The following ALCAM variants were observed in gnomAD, a reference collection of about 807,000 sequenced individuals.
The protein encoded by ALCAM is CD166 antigen.
Under a neutral mutation model 70.9 loss-of-function variants are expected in ALCAM, and 30 were observed. The ratio of observed to expected loss-of-function variants is 0.42; its 90% CI spans 0.32 to 0.57. ALCAM has a LOEUF of 0.57. ALCAM is among the 20% of genes least tolerant of loss of function. The pLI is 0.11. For synonymous variants in ALCAM, 249 were observed against 242.5 expected (o/e 1.03, Z -0.25); for missense variants, 591 against 695.1 (o/e 0.85, Z 1.68).
At chr3:105,376,121 CAG>C (rs150234191) in intron 1 of ALCAM, among the ~76,000 whole-genome samples, 12 of 150,404 alleles carry the variant, frequency 8.0e-5, no homozygotes, top group African/African-American at 9.7e-5. Flanking sequence ...AAGACAGAGA[CAG>C]AGAGAGAGAG....
chr3:105,435,777 GT>G (rs371742846), intron 1 of ALCAM, among the ~76,000 whole-genome samples: 242 of 151,432 alleles, frequency 1.6e-3, no homozygotes, highest in African/African-American at 5.6e-3. Flanking sequence ...AGAAAAAGAG[GT>G]TTTTTTTTGT....
At chr3:105,477,383 T>C (rs1358291244) in intron 1 of ALCAM, among the ~76,000 whole-genome samples, 11 of 152,134 alleles carry the variant, frequency 7.2e-5, no homozygotes, top group Non-Finnish European at 1.5e-5. Context: ...TAAAATATTT[T>C]TTGTTGAATA....
chr3:105,534,945 T>G, intron 6 of ALCAM, 100 bp downstream of exon 6: 3 of 1,202,318 alleles, frequency 2.5e-6, no homozygotes, highest in Non-Finnish European at 3.4e-6. Context: ...CTTTGAATTC[T>G]GCTTCCAGTC....
intron 2 of ALCAM, 25 bp downstream of exon 2, chr3:105,520,192 G>T (rs748441656): frequency 6.8e-7 from 1 of 1,469,840 alleles, no homozygotes; most frequent in South Asian, 1.2e-5. Flanking sequence ...CCTGGGACTT[G>T]GTTAATTGCC....
chr3:105,521,047 A>G (rs1576218046), intron 2 of ALCAM, among the ~76,000 whole-genome samples: 1 of 151,688 alleles, frequency 6.6e-6, no homozygotes, highest in African/African-American at 2.4e-5. Flanking sequence ...CACGCCTGTA[A>G]TCCCAGCACT....
chr3:105,518,313 C>T (rs6776188), intron 1 of ALCAM, among the ~76,000 whole-genome samples: 72,593 of 151,876 alleles, frequency 0.48, 17,940 homozygotes, highest in East Asian at 0.8. Context: ...AAAATTATTA[C>T]ATATTCAAGT....
chr3:105,470,900 T>C (rs1335324579), intron 1 of ALCAM, among the ~76,000 whole-genome samples: 10 of 151,306 alleles, frequency 6.6e-5, no homozygotes, highest in Non-Finnish European at 3.0e-5. Flanking sequence ...CTGGTTTACT[T>C]TAAATTCATG....
intron 10 of ALCAM, 24 bp downstream of exon 10, chr3:105,547,308 T>C (rs1273390990): frequency 6.3e-7 from 1 of 1,579,440 alleles, no homozygotes; most frequent in Non-Finnish European, 8.6e-7. Context: ...TGGGCACTAA[T>C]TCAAATTGTT....
intron 1 of ALCAM, among the ~76,000 whole-genome samples, chr3:105,397,583 A>G (rs1161318710): frequency 6.6e-6 from 1 of 151,954 alleles, no homozygotes. Flanking sequence ...TCCATTTTTC[A>G]TGATCAAGCT....
intron 1 of ALCAM, among the ~76,000 whole-genome samples, chr3:105,407,628 A>G (rs1323923758): frequency 6.6e-6 from 1 of 152,190 alleles, no homozygotes; most frequent in African/African-American, 2.4e-5. Context: ...TGAATGGGAA[A>G]AGTTGAAAGC....
In ALCAM at chr3:105,552,612, C is replaced by T. The variant is rs186497202; in HGVS notation, c.1664+27C>T. 203 of 1,610,220 alleles carry T rather than the reference C, an allele frequency of 1.3e-4. 1 individual carries two copies. In the Admixed American group the frequency reaches 1.4e-3, roughly 11 times the overall value. Reference sequence around the variant, plus strand: ...TGAGTTGTGGAAAAAAGATCTTCATCGTTCATTGACTTTCACTGGGAGAAA... The same window carrying T: ...TGAGTTGTGGAAAAAAGATCTTCATTGTTCATTGACTTTCACTGGGAGAAA... On this transcript the variant is annotated intron_variant, in intron 14 of 15. Transcript: ENST00000306107.
At chr3:105,543,778 A>G (rs1376269820) in intron 8 of ALCAM, among the ~76,000 whole-genome samples, 1 of 151,640 alleles carries the variant, frequency 6.6e-6, no homozygotes, top group African/African-American at 2.4e-5. Flanking sequence ...AAAAACTTCT[A>G]ACTCATCCAG....
chr3:105,525,611 G>A (rs771139712), intron 3 of ALCAM, among the ~76,000 whole-genome samples: 2 of 152,156 alleles, frequency 1.3e-5, no homozygotes, highest in Non-Finnish European at 2.9e-5. Context: ...ACTACAGCAA[G>A]TAACTATGGA....
At chr3:105,501,620 C>T (rs1938924622) in intron 1 of ALCAM, among the ~76,000 whole-genome samples, 1 of 152,068 alleles carries the variant, frequency 6.6e-6, no homozygotes, top group Non-Finnish European at 1.5e-5. Context: ...ATCTTGAATA[C>T]ATAAAATATT....
rs752964458 is a variant in ALCAM at position 105,552,519 on chromosome 3, T to C, written c.1598T>C (p.Val533Ala). ...CAGGCAAAACTAATTGTGGGAATCG[T>C]TGTTGGTCTCCTCCTTGCTGCCCTT... The part of the protein sequence containing the change: ...NDQAKLIVGI[V>A]VGLLLAALVA... Residue 533 changes from valine to alanine, a missense_variant, in exon 14 of 16, where the codon GTT (valine) becomes GCT (alanine). Around this residue, in one of 2 missense-constraint regions of ALCAM, gnomAD observed 164 missense variants for 244.7 expected, o/e 0.67. Coordinates refer to ENST00000306107, the MANE Select transcript of ALCAM (RefSeq NM_001627.4). 1 of 1,611,798 alleles carries C rather than the reference T, an allele frequency of 6.2e-7. No homozygotes were observed. Among genetic ancestry groups the C allele is most frequent in the Non-Finnish European group, 8.5e-7 (1 of 1,178,400 alleles).
At chr3:105,520,288 G>A (rs1200569309) in intron 2 of ALCAM, 121 bp downstream of exon 2, 3 of 664,944 alleles carry the variant, frequency 4.5e-6, no homozygotes, top group South Asian at 4.0e-5. Flanking sequence ...GAGTACAAAT[G>A]TAGGAAGGTA....
chr3:105,563,037 C>T (rs1483943706), intron 14 of ALCAM, among the ~76,000 whole-genome samples: 1 of 151,928 alleles, frequency 6.6e-6, no homozygotes, highest in African/African-American at 2.4e-5. Flanking sequence ...AACTTCCAAC[C>T]TCAGGTGATC....
chr3:105,396,897 G>T (rs911714975), intron 1 of ALCAM, among the ~76,000 whole-genome samples: 4 of 151,986 alleles, frequency 2.6e-5, no homozygotes, highest in Non-Finnish European at 4.4e-5. Flanking sequence ...TATACTTTTA[G>T]GTGGCATGAA....
At chr3:105,512,132 G>A (rs975741320) in intron 1 of ALCAM, among the ~76,000 whole-genome samples, 2 of 151,920 alleles carry the variant, frequency 1.3e-5, no homozygotes, top group African/African-American at 4.8e-5. Flanking sequence ...GAAACTTTTG[G>A]TTTTGGAGTT....
Sources: allele counts gnomAD v4.1 joint callset (sites outside exome capture counted in the v4.1 genomes callset), GRCh38; gene constraint gnomAD v4.1.1; regional missense constraint gnomAD v4.1.1; transcripts MANE v1.5; gene names NCBI Gene and HGNC (gene_info 2026-07-23, HGNC 2026-07-21).